Variants in RFX7 observed in about 807,000 individuals in gnomAD.
RFX7 encodes DNA-binding protein RFX7.
Under a neutral mutation model 111.8 loss-of-function variants are expected in RFX7, and 26 were observed. The observed-to-expected ratio is 0.23, with a 90% CI of 0.17 to 0.32. The LOEUF (loss-of-function observed/expected upper bound fraction) is 0.32. Among genes scored for constraint, RFX7 ranks in the 10% least tolerant of loss-of-function variants. The pLI, the probability that RFX7 is intolerant of heterozygous loss-of-function variation, is 1.00. For missense variants in RFX7, 1,573 were observed against 1,772.9 expected, an observed-to-expected ratio of 0.89 and a Z score of 2.02; for synonymous variants, 624 against 624.4, an observed-to-expected ratio of 1.00 and a Z score of 0.01.
intron 5 of RFX7, among the ~76,000 whole-genome samples, chr15:56,142,030 C>G (rs2042407276): frequency 1.3e-5 from 2 of 152,056 alleles, no homozygotes; most frequent in African/African-American, 4.8e-5. Flanking sequence ...TTATTTGACA[C>G]TTTTTGCCCC....
chr15:56,088,699 T>G lies in RFX7; in HGVS notation c.*4646A>C, dbSNP rs1364486234. On this transcript the variant is annotated 3_prime_UTR_variant, in exon 10 of 10. Transcript: ENST00000559447. ...TGTCAAAATAAATCTGTACTTCAGA[T>G]TTAACAAAATAAAAAGTTTGGTCTT... 3 of 152,182 alleles carry G rather than the reference T, an allele frequency of 2.0e-5. No homozygotes were observed. The East Asian group carries it at 5.8e-4, about 29-fold the overall frequency. 9.4% of individuals were successfully genotyped at this position (152,182 alleles called of 1,614,324 possible). A position where few individuals can be genotyped will look rare whatever the true frequency, so the allele number is the denominator to read the frequency against.
At chr15:56,110,226 AG>A (rs1308861051) in intron 5 of RFX7, among the ~76,000 whole-genome samples, 2 of 94,502 alleles carry the variant, frequency 2.1e-5, no homozygotes, top group South Asian at 8.9e-4. Flanking sequence ...GGAAGTGAGG[AG>A]CCCCTCTGCC....
intron 3 of RFX7, among the ~76,000 whole-genome samples, chr15:56,173,250 G>C (rs2042865113): frequency 6.6e-6 from 1 of 152,102 alleles, no homozygotes; most frequent in South Asian, 2.1e-4. Flanking sequence ...CAAAAGGCTG[G>C]GCAAAGAGCT....
chr15:56,153,413 A>C (rs1372949910), intron 3 of RFX7, among the ~76,000 whole-genome samples: 1 of 152,234 alleles, frequency 6.6e-6, no homozygotes, highest in Non-Finnish European at 1.5e-5. Context: ...ACCATACACA[A>C]ATCAATATAC....
intron 2 of RFX7, among the ~76,000 whole-genome samples, chr15:56,237,593 C>T (rs1186652427): frequency 2.0e-5 from 3 of 152,126 alleles, no homozygotes; most frequent in African/African-American, 7.2e-5. Flanking sequence ...CTCATTTTCC[C>T]CAATTAATAC....
chr15:56,103,462 T>C, intron 6 of RFX7, 92 bp downstream of exon 6: 1 of 733,082 alleles, frequency 1.4e-6, no homozygotes, highest in Non-Finnish European at 2.2e-6. Context: ...AGTTTATTTC[T>C]AAATAAAGTT....
chr15:56,193,181 A>T (rs1158639439), intron 2 of RFX7: 1 of 201,850 alleles, frequency 5.0e-6, no homozygotes. Context: ...GATGACCATC[A>T]TGTGCTTGAT....
intron 2 of RFX7, among the ~76,000 whole-genome samples, chr15:56,225,295 A>G (rs1391015622): frequency 6.6e-6 from 1 of 152,132 alleles, no homozygotes; most frequent in Non-Finnish European, 1.5e-5. Context: ...ACACTGTACA[A>G]CTGACATCCC....
intron 3 of RFX7, among the ~76,000 whole-genome samples, chr15:56,173,740 G>C (rs371001247): frequency 2.6e-5 from 4 of 152,264 alleles, no homozygotes; most frequent in East Asian, 3.9e-4. Flanking sequence ...GTTGCAGTGA[G>C]CTGTGGTTCT....
chr15:56,208,945 T>A (rs1476462484), intron 2 of RFX7, among the ~76,000 whole-genome samples: 1 of 152,086 alleles, frequency 6.6e-6, no homozygotes, highest in East Asian at 1.9e-4. Flanking sequence ...ATATGTGTAA[T>A]GGAAATTCCA....
chr15:56,090,717 A>G lies in RFX7; in HGVS notation c.*2628T>C, dbSNP rs1595915834. ...TTTTGCACTAAATGAAACATGAAAC[A>G]GGGCTTGTTTTTGTCATTTATCGTG... is the stretch of plus-strand genomic sequence containing the variant. On this transcript the variant is annotated 3_prime_UTR_variant, in exon 10 of 10. Coordinates refer to ENST00000559447, the MANE Select transcript of RFX7 (RefSeq NM_022841.7). The G allele has an allele frequency of 6.6e-6, 1 of 152,618 alleles. No homozygotes were observed. Among genetic ancestry groups the G allele is most frequent in the Non-Finnish European group, 1.5e-5 (1 of 68,018 alleles). 9.5% of individuals were successfully genotyped at this position (152,618 alleles called of 1,614,324 possible).
At chr15:56,239,678 A>T (rs2043665123) in intron 2 of RFX7, among the ~76,000 whole-genome samples, 1 of 152,134 alleles carries the variant, frequency 6.6e-6, no homozygotes. Context: ...ATTCTGGAGC[A>T]TCTTGAATTC....
chr15:56,220,569 G>A (rs1394466679), intron 2 of RFX7, among the ~76,000 whole-genome samples: 2 of 151,932 alleles, frequency 1.3e-5, no homozygotes, highest in African/African-American at 4.8e-5. Context: ...GTTCCTTACA[G>A]ACTCTGGATA....
At chr15:56,127,589 C>T (rs2042160862) in intron 5 of RFX7, among the ~76,000 whole-genome samples, 1 of 150,470 alleles carries the variant, frequency 6.6e-6, no homozygotes, top group African/African-American at 2.5e-5. Context: ...GCTCTGTCGC[C>T]CAGGCTGGAG....
chr15:56,208,900 T>A (rs773363571), intron 2 of RFX7, among the ~76,000 whole-genome samples: 25 of 151,920 alleles, frequency 1.6e-4, no homozygotes, highest in Non-Finnish European at 3.1e-4. Context: ...GAACAGAGTA[T>A]CCAAGAACTG....
chr15:56,107,442 A>G (rs2041847051), intron 5 of RFX7, among the ~76,000 whole-genome samples: 5 of 152,026 alleles, frequency 3.3e-5, no homozygotes. Flanking sequence ...CATGGTAACA[A>G]TTCAGTCTTT....
At chr15:56,191,677 C>G (rs532600903) in intron 2 of RFX7, among the ~76,000 whole-genome samples, 2 of 152,034 alleles carry the variant, frequency 1.3e-5, no homozygotes, top group Admixed American at 1.3e-4. Flanking sequence ...TTTTGCAACA[C>G]TGATTTCTTG....
Position 56,094,916 on chromosome 15 carries a change from T to A in RFX7, c.2812A>T (p.Ile938Phe). 1 of 1,584,242 alleles carries A rather than the reference T, an allele frequency of 6.3e-7. No homozygotes were observed. Among genetic ancestry groups the A allele is most frequent in the Non-Finnish European group, 8.6e-7 (1 of 1,165,082 alleles). The change falls in exon 10 of 10, where the codon ATC (isoleucine) becomes TTC (phenylalanine). Residue 938 changes from isoleucine to phenylalanine, a missense_variant. Physicochemically the swap from Ile to Phe is conservative, Grantham distance 21 (BLOSUM62 0). This residue lies in a region of RFX7 where 625 missense variants were observed against 632.2 expected (regional missense o/e 0.99). Coordinates refer to ENST00000559447, the MANE Select transcript of RFX7 (RefSeq NM_022841.7). ...TGGATTGGAGTGCCATTGCTGTGGA[T>A]TGGATGATAGAAGTGGGTGCTGGAA... ...HTSSTHFYHP[I>F]HSNGTPIHTP...
At chr15:56,099,505 C>G (rs568282308) in intron 8 of RFX7, among the ~76,000 whole-genome samples, 17 of 152,232 alleles carry the variant, frequency 1.1e-4, no homozygotes, top group African/African-American at 4.1e-4. Context: ...GAGCCTCTGC[C>G]AATGGCTCAT....
Sources: gnomAD v4.1 joint callset for allele counts (sites outside exome capture counted in the v4.1 genomes callset) on GRCh38, gnomAD v4.1.1 for gene constraint, gnomAD v4.1.1 regional missense constraint, MANE v1.5 for transcripts, NCBI Gene and HGNC (gene_info 2026-07-23, HGNC 2026-07-21) for gene names.